Variants in GABRG3 observed in about 807,000 individuals in gnomAD.
The protein encoded by GABRG3 is gamma-aminobutyric acid type A receptor subunit gamma3.
In GABRG3, 25 loss-of-function variants were observed where a neutral mutation model predicts 48.8. That is an observed-to-expected ratio of 0.51 (90% confidence interval 0.37 to 0.72). The LOEUF is 0.72. Ranked by LOEUF, GABRG3 falls within the 30% of genes least tolerant of loss-of-function variation. GABRG3 has a pLI of 0.00. For synonymous variants in GABRG3, 227 were observed against 217.6 expected, an observed-to-expected ratio of 1.04 and a Z score of -0.38; for missense variants, 394 against 577.9, an observed-to-expected ratio of 0.68 and a Z score of 3.26.
rs34901488 is a variant in GABRG3, at chr15:27,369,806, C to CAAAAAAAAAA, written c.574+40937_574+40946dup. Among the ~76,000 whole-genome samples the CAAAAAAAAAA allele has an allele frequency of 6.4e-3, 194 of 30,268 alleles. 12 individuals carry two copies. Among genetic ancestry groups the CAAAAAAAAAA allele is most frequent in the African/African-American group, 0.017 (191 of 11,134 alleles). 19.9% of individuals were successfully genotyped at this position (30,268 alleles called of 152,430 possible). A position where few individuals can be genotyped will look rare whatever the true frequency, so the allele number is the denominator to read the frequency against. The stretch of plus-strand genomic sequence containing the variant: ...TGGGCGACAGAGTGAGACTCCGTCT[C>CAAAAAAAAAA]AAAAAAAAAAAAAAAAAAAAAAAAA... On this transcript the variant is annotated intron_variant, in intron 5 of 9. Coordinates refer to ENST00000615808, the MANE Select transcript of GABRG3 (RefSeq NM_033223.5).
intron 5 of GABRG3, among the ~76,000 whole-genome samples, chr15:27,383,317 C>A (rs1895831626): frequency 6.6e-6 from 1 of 152,156 alleles, no homozygotes; most frequent in Non-Finnish European, 1.5e-5. Flanking sequence ...AAAGGCCATT[C>A]TTTCGCTTGT....
intron 3 of GABRG3, among the ~76,000 whole-genome samples, chr15:27,210,269 C>T (rs757363026): frequency 1.3e-5 from 2 of 152,198 alleles, no homozygotes; most frequent in Non-Finnish European, 2.9e-5. Context: ...GAACTTTTAT[C>T]TCCGTATTTC....
chr15:27,354,621 G>A (rs1238818148), intron 5 of GABRG3, among the ~76,000 whole-genome samples: 3 of 152,178 alleles, frequency 2.0e-5, no homozygotes, highest in South Asian at 4.1e-4. Flanking sequence ...TTTAAGAAAT[G>A]CTGATGCATT....
intron 3 of GABRG3, among the ~76,000 whole-genome samples, chr15:27,103,867 T>G (rs887008793): frequency 1.3e-5 from 2 of 152,232 alleles, no homozygotes; most frequent in African/African-American, 4.8e-5. Flanking sequence ...ATATATGTCT[T>G]CAGCTATAGA....
Position 27,182,658 on chromosome 15 carries a change from G to A in GABRG3, c.271-144151G>A, listed in dbSNP as rs573497032. On this transcript the variant is annotated intron_variant, in intron 3 of 9. Coordinates refer to ENST00000615808, the MANE Select transcript of GABRG3 (RefSeq NM_033223.5). ...GGGGGTGCTTAGCTGAGAGGCTGGT[G>A]CACAGAAAAGCACTCCCCACAGGGC... 3.9e-3 allele frequency among the ~76,000 whole-genome samples: 587 copies of A among 152,246 alleles called. 2 individuals are homozygous for A. The highest frequency in any genetic ancestry group is 0.013 in the African/African-American group (550 of 41,534).
chr15:27,238,655 C>A (rs183994105), intron 3 of GABRG3, among the ~76,000 whole-genome samples: 19 of 152,322 alleles, frequency 1.2e-4, no homozygotes, highest in African/African-American at 3.8e-4. Flanking sequence ...ATGTAATTGA[C>A]TAAATAATTA....
chr15:27,216,231 G>T (rs1889241633), intron 3 of GABRG3, among the ~76,000 whole-genome samples: 1 of 152,212 alleles, frequency 6.6e-6, no homozygotes, highest in Admixed American at 6.5e-5. Context: ...GCAAACTCAG[G>T]TTGAAAATGC....
At position 27,534,569 on chromosome 15, in the gene GABRG3, A is replaced by G. The variant is rs1042228148; in HGVS notation, c.*1688A>G. 1.3e-5 allele frequency: 2 copies of G among 152,232 alleles called. No individual in the cohort carries two copies. Among genetic ancestry groups the G allele is most frequent in the Non-Finnish European group, 2.9e-5 (2 of 68,050 alleles). 9.4% of individuals were successfully genotyped at this position (152,232 alleles called of 1,614,324 possible). ...ATAGAAAACTGAATTAATTTGACCTAGAAACCGTAATTTTTAAAATTATCT... is the reference window on the plus strand; with the variant it reads ...ATAGAAAACTGAATTAATTTGACCTGGAAACCGTAATTTTTAAAATTATCT... On this transcript the variant is annotated 3_prime_UTR_variant, in exon 10 of 10. Coordinates refer to ENST00000615808, the MANE Select transcript of GABRG3 (RefSeq NM_033223.5).
At chr15:27,387,253 G>GTT (rs57380810) in intron 5 of GABRG3, among the ~76,000 whole-genome samples, 3 of 148,634 alleles carry the variant, frequency 2.0e-5, no homozygotes, top group African/African-American at 7.4e-5. Flanking sequence ...TGTAATTCAC[G>GTT]TTTTTTTTTT....
At chr15:27,285,906 G>A (rs1891595097) in intron 3 of GABRG3, among the ~76,000 whole-genome samples, 1 of 152,120 alleles carries the variant, frequency 6.6e-6, no homozygotes, top group Non-Finnish European at 1.5e-5. Flanking sequence ...CTCGACATAT[G>A]ATGACCAATG....
At chr15:27,307,184 C>A (rs1045454471) in intron 3 of GABRG3, among the ~76,000 whole-genome samples, 1 of 133,618 alleles carries the variant, frequency 7.5e-6, no homozygotes, top group Admixed American at 7.9e-5. Context: ...AATATATAAA[C>A]ATGTTTATAT....
At chr15:27,183,180 A>G (rs1218362958) in intron 3 of GABRG3, among the ~76,000 whole-genome samples, 1 of 152,116 alleles carries the variant, frequency 6.6e-6, no homozygotes, top group Admixed American at 6.6e-5. Context: ...GTGTGTGACA[A>G]ACATGCTTTA....
intron 3 of GABRG3, among the ~76,000 whole-genome samples, chr15:27,056,057 A>G (rs538558761): frequency 3.7e-4 from 56 of 152,292 alleles, no homozygotes; most frequent in African/African-American, 1.3e-3. Context: ...CAAACAGAAA[A>G]TAAATGTACA....
intron 3 of GABRG3, among the ~76,000 whole-genome samples, chr15:27,308,364 A>ATC (rs1892807589): frequency 1.1e-5 from 1 of 87,846 alleles, no homozygotes; most frequent in Non-Finnish European, 2.6e-5. Context: ...TTTATATATA[A>ATC]ACATATAAAC....
intron 5 of GABRG3, among the ~76,000 whole-genome samples, chr15:27,351,530 G>A (rs747451070): frequency 9.8e-5 from 14 of 143,522 alleles, no homozygotes; most frequent in Admixed American, 4.9e-4. Context: ...GTGTTTGTGT[G>A]TGTGTTGGTG....
intron 5 of GABRG3, chr15:27,364,066 A>G (rs1043322360): frequency 1.3e-5 from 2 of 152,232 alleles, no homozygotes; most frequent in Non-Finnish European, 2.9e-5. Flanking sequence ...GTGACAGAGG[A>G]CAGTCACTAC....
chr15:27,403,680 C>T (rs145160568), intron 5 of GABRG3, among the ~76,000 whole-genome samples: 7,072 of 151,902 alleles, frequency 0.047, 283 homozygotes, highest in South Asian at 0.19. Context: ...TTTGGGAGGC[C>T]GAGGTGGGCG....
rs530950093 is a variant in GABRG3 at position 27,044,723 on chromosome 15, A to G, written c.270+17902A>G. ...GTTACTACAACCAAAAAGTAGTCAA[A>G]CAATGTTAATGGACAGAGAAAAGGA... On this transcript the variant is annotated intron_variant, in intron 3 of 9. Coordinates refer to ENST00000615808, the MANE Select transcript of GABRG3 (RefSeq NM_033223.5). 1.3e-3 allele frequency among the ~76,000 whole-genome samples: 202 copies of G among 152,362 alleles called. 2 individuals are homozygous for G. Among genetic ancestry groups the G allele is most frequent in the African/African-American group, 4.8e-3 (199 of 41,582 alleles).
At chr15:27,048,604 A>G (rs978330356) in intron 3 of GABRG3, among the ~76,000 whole-genome samples, 11 of 152,204 alleles carry the variant, frequency 7.2e-5, no homozygotes, top group Admixed American at 5.9e-4. Flanking sequence ...TGAAACTGCC[A>G]CTGGAGCTAA....
Sources: allele counts gnomAD v4.1 joint callset (sites outside exome capture counted in the v4.1 genomes callset), GRCh38; gene constraint gnomAD v4.1.1; transcripts MANE v1.5; gene names NCBI Gene and HGNC (gene_info 2026-07-23, HGNC 2026-07-21).